SGCZ: variants seen among roughly 807,000 people sequenced by gnomAD.
The protein encoded by SGCZ is zeta-sarcoglycan.
A neutral mutation model predicts 41.3 loss-of-function variants in SGCZ; 40 were observed. The observed-to-expected ratio is 0.97, with a 90% CI of 0.75 to 1.26. The LOEUF (loss-of-function observed/expected upper bound fraction) is 1.26. Among genes scored for constraint, SGCZ ranks in the 50% most tolerant of loss-of-function variants. SGCZ has a pLI of 0.00. For synonymous variants in SGCZ, 206 were observed against 137.5 expected, an observed-to-expected ratio of 1.50 and a Z score of -3.49; for missense variants, 552 against 369.8, an observed-to-expected ratio of 1.49 and a Z score of -4.04.
At chr8:14,250,063 G>A (rs966790749) in intron 3 of SGCZ, among the ~76,000 whole-genome samples, 8 of 152,166 alleles carry the variant, frequency 5.3e-5, no homozygotes, top group Non-Finnish European at 1.2e-4. Context: ...CTGAGTTGAA[G>A]CCTAAGATTC....
At chr8:14,280,529 G>A (rs572013966) in intron 3 of SGCZ, among the ~76,000 whole-genome samples, 3 of 151,792 alleles carry the variant, frequency 2.0e-5, no homozygotes, top group Non-Finnish European at 4.4e-5. Context: ...ACTCAAAGAA[G>A]ATATTACTTT....
intron 6 of SGCZ, among the ~76,000 whole-genome samples, chr8:14,106,246 G>C (rs1175523763): frequency 6.6e-6 from 1 of 152,164 alleles, no homozygotes; most frequent in Admixed American, 6.6e-5. Context: ...GGAATTTACA[G>C]TTTGTTAGGA....
At chr8:15,077,502 G>T (rs557808580) in intron 1 of SGCZ, among the ~76,000 whole-genome samples, 5 of 152,134 alleles carry the variant, frequency 3.3e-5, no homozygotes, top group Admixed American at 6.5e-5. Flanking sequence ...TCCACCATAT[G>T]GCAGTCAATC....
intron 1 of SGCZ, among the ~76,000 whole-genome samples, chr8:14,693,825 C>T (rs1471318650): frequency 6.6e-6 from 1 of 151,990 alleles, no homozygotes; most frequent in Non-Finnish European, 1.5e-5. Context: ...CTCCTGACCT[C>T]AGGTGATCCG....
At chr8:14,813,890 T>A (rs1392245652) in intron 1 of SGCZ, among the ~76,000 whole-genome samples, 1 of 152,058 alleles carries the variant, frequency 6.6e-6, no homozygotes, top group African/African-American at 2.4e-5. Flanking sequence ...GAGGCAGAGG[T>A]TGCAGTGAGC....
rs1808735790 is a variant in SGCZ, at chr8:14,689,706, GCTCTTAT to G, written c.40-134787_40-134781del. Among the ~76,000 whole-genome samples, 5 of 152,294 alleles carry G rather than the reference GCTCTTAT, an allele frequency of 3.3e-5. No individual in the cohort carries two copies. The South Asian group carries it at 1.0e-3, about 32-fold the overall frequency. On this transcript the variant is annotated intron_variant, in intron 1 of 7. Transcript: ENST00000382080. ...TCAGGGACTATCTACAGCTGCACCT[GCTCTTAT>G]TTGTAGGATGAAACTGTGTAATCAC...
chr8:14,795,518 C>CTGCA (rs1801093824), intron 1 of SGCZ, among the ~76,000 whole-genome samples: 1 of 152,050 alleles, frequency 6.6e-6, no homozygotes, highest in Non-Finnish European at 1.5e-5. Context: ...TCATACCTTA[C>CTGCA]TGCAGCCTCC....
intron 1 of SGCZ, among the ~76,000 whole-genome samples, chr8:15,115,805 C>T (rs1807246723): frequency 6.6e-6 from 1 of 152,126 alleles, no homozygotes; most frequent in African/African-American, 2.4e-5. Flanking sequence ...GTTTATTCAA[C>T]AATAAACAAC....
intron 2 of SGCZ, among the ~76,000 whole-genome samples, chr8:14,536,428 T>C (rs182748068): frequency 9.9e-5 from 15 of 152,058 alleles, no homozygotes; most frequent in Admixed American, 3.3e-4. Flanking sequence ...AAATTTGATC[T>C]AAAATTAAAG....
intron 1 of SGCZ, among the ~76,000 whole-genome samples, chr8:14,673,716 G>A (rs1013607480): frequency 6.6e-6 from 1 of 151,968 alleles, no homozygotes; most frequent in Non-Finnish European, 1.5e-5. Context: ...ATAAATGAAC[G>A]AATAAATGAA....
At chr8:14,097,024 T>A (rs571294731) in intron 7 of SGCZ, among the ~76,000 whole-genome samples, 1 of 152,018 alleles carries the variant, frequency 6.6e-6, no homozygotes, top group Admixed American at 6.6e-5. Flanking sequence ...AGCGGTCTAT[T>A]TTGTTGATCT....
intron 3 of SGCZ, among the ~76,000 whole-genome samples, chr8:14,260,831 G>A (rs1799636951): frequency 6.6e-6 from 1 of 152,048 alleles, no homozygotes; most frequent in Non-Finnish European, 1.5e-5. Context: ...ATCATTCTCA[G>A]TAAACTATCT....
At chr8:14,706,368 C>T (rs1809333149) in intron 1 of SGCZ, among the ~76,000 whole-genome samples, 1 of 152,078 alleles carries the variant, frequency 6.6e-6, no homozygotes, top group Non-Finnish European at 1.5e-5. Flanking sequence ...TTTAGAAAAG[C>T]CAACATTTTC....
intron 1 of SGCZ, among the ~76,000 whole-genome samples, chr8:14,708,712 G>T (rs1809410472): frequency 6.6e-6 from 1 of 151,710 alleles, no homozygotes; most frequent in Admixed American, 6.6e-5. Flanking sequence ...AAGTATTTTA[G>T]CTTTTTATCA....
At chr8:14,555,678 G>A (rs920014961) in intron 1 of SGCZ, among the ~76,000 whole-genome samples, 2 of 151,950 alleles carry the variant, frequency 1.3e-5, no homozygotes, top group African/African-American at 4.8e-5. Context: ...TGATTTACCT[G>A]TTCTTTGCAG....
intron 1 of SGCZ, among the ~76,000 whole-genome samples, chr8:14,645,743 A>C (rs1807192861): frequency 6.6e-6 from 1 of 151,428 alleles, no homozygotes; most frequent in Admixed American, 6.6e-5. Context: ...TAATATTGTA[A>C]ATTTTTACGT....
intron 1 of SGCZ, among the ~76,000 whole-genome samples, chr8:14,703,389 G>A (rs1009956657): frequency 1.3e-5 from 2 of 151,740 alleles, no homozygotes; most frequent in Admixed American, 6.6e-5. Flanking sequence ...ATATTTGCAC[G>A]ACTTAGTCTT....
chr8:14,247,547 A>G (rs4521757), intron 3 of SGCZ, among the ~76,000 whole-genome samples: 40,364 of 152,132 alleles, frequency 0.27, 5,752 homozygotes, highest in South Asian at 0.43. Flanking sequence ...GAATAGTACT[A>G]TCTCTATCTA....
intron 1 of SGCZ, among the ~76,000 whole-genome samples, chr8:15,228,072 A>G (rs1801832906): frequency 1.3e-5 from 2 of 152,230 alleles, no homozygotes; most frequent in Middle Eastern, 3.2e-3. Flanking sequence ...CGATACTTGC[A>G]GATGTTAAAC....
Sources: allele counts gnomAD v4.1 joint callset (sites outside exome capture counted in the v4.1 genomes callset), GRCh38; gene constraint gnomAD v4.1.1; transcripts MANE v1.5; gene names NCBI Gene and HGNC (gene_info 2026-07-23, HGNC 2026-07-21).